Variants in CDH13 observed in about 807,000 individuals in gnomAD.
CDH13 encodes cadherin-13.
In CDH13, 24 loss-of-function variants were observed where a neutral mutation model predicts 63.8. That is an observed-to-expected ratio of 0.38 (90% CI 0.27 to 0.53). CDH13 has a LOEUF of 0.53. Among genes scored for constraint, CDH13 ranks in the 20% least tolerant of loss-of-function variants. CDH13 has a pLI of 0.85. For synonymous variants in CDH13, 503 were observed against 355.3 expected, an observed-to-expected ratio of 1.42 and a Z score of -4.67; for missense variants, 1,049 against 903.1, an observed-to-expected ratio of 1.16 and a Z score of -2.07.
intron 3 of CDH13, among the ~76,000 whole-genome samples, chr16:83,053,507 T>G (rs922311362): frequency 6.6e-6 from 1 of 152,172 alleles, no homozygotes; most frequent in East Asian, 1.9e-4. Context: ...CCCAGGAGCA[T>G]AAATTGATAA....
intron 11 of CDH13, among the ~76,000 whole-genome samples, chr16:83,763,903 T>C (rs1395534916): frequency 6.6e-6 from 1 of 151,510 alleles, no homozygotes; most frequent in Non-Finnish European, 1.5e-5. Flanking sequence ...ACTGAGATAA[T>C]GGAGCCTAGT....
At chr16:82,734,202 T>G (rs191388094) in intron 1 of CDH13, among the ~76,000 whole-genome samples, 113 of 152,346 alleles carry the variant, frequency 7.4e-4, no homozygotes, top group African/African-American at 2.5e-3. Context: ...TTCCATTGGA[T>G]CTCAGCCAGG....
At chr16:83,486,447 A>G in intron 6 of CDH13, 30 bp from the exon 7 acceptor site, 1 of 1,597,522 alleles carries the variant, frequency 6.3e-7, no homozygotes, top group Non-Finnish European at 8.5e-7. Flanking sequence ...ATTGATAACC[A>G]TTCCGTGCCT....
intron 10 of CDH13, among the ~76,000 whole-genome samples, chr16:83,714,753 G>T (rs1908632293): frequency 6.6e-6 from 1 of 152,128 alleles, no homozygotes; most frequent in South Asian, 2.1e-4. Flanking sequence ...ACATTTAGTA[G>T]CTTTTCTATA....
Position 83,634,496 on chromosome 16 carries a change from G to A in CDH13, c.1101+31902G>A, listed in dbSNP as rs765532682. ...GCTCATTGCGACCTCCGCCTCCCAGGTTTAAGCCATTCTCCTGCCTCAGCC... is the reference window on the plus strand; with the variant it reads ...GCTCATTGCGACCTCCGCCTCCCAGATTTAAGCCATTCTCCTGCCTCAGCC... On this transcript the variant is annotated intron_variant, in intron 8 of 13. Transcript: ENST00000567109. Among the ~76,000 whole-genome samples, 5 of 151,860 alleles carry A rather than the reference G, an allele frequency of 3.3e-5. No homozygotes were observed. The South Asian group carries it at 6.3e-4, about 19-fold the overall frequency.
At chr16:83,197,025 T>C (rs886459918) in intron 4 of CDH13, among the ~76,000 whole-genome samples, 13 of 152,188 alleles carry the variant, frequency 8.5e-5, no homozygotes, top group African/African-American at 2.9e-4. Flanking sequence ...TGCCAGAAAC[T>C]GAAAACAACC....
chr16:83,537,283 G>A (rs906691454), intron 7 of CDH13, among the ~76,000 whole-genome samples: 1 of 152,112 alleles, frequency 6.6e-6, no homozygotes, highest in Non-Finnish European at 1.5e-5. Flanking sequence ...GAGCCAACTG[G>A]GACAATGAAT....
chr16:82,720,260 A>G lies in CDH13; in HGVS notation c.45+93123A>G, dbSNP rs185624417. 1.2e-3 allele frequency among the ~76,000 whole-genome samples: 177 copies of G among 152,332 alleles called. 1 individual carries two copies. The highest frequency in any genetic ancestry group is 4.0e-3 in the African/African-American group (168 of 41,578). On this transcript the variant is annotated intron_variant, in intron 1 of 13. Transcript: ENST00000567109. ...CCTCCTGCCACCGTGCAGTTTGAAA[A>G]CAAACAATTCCAACTAATGGCAGAC...
At chr16:83,762,333 T>G (rs1428335273) in intron 11 of CDH13, among the ~76,000 whole-genome samples, 2 of 152,142 alleles carry the variant, frequency 1.3e-5, no homozygotes, top group African/African-American at 4.8e-5. Context: ...AGGCACTCTT[T>G]TATGGAAGAC....
chr16:82,702,178 C>G (rs1327311666), intron 1 of CDH13, among the ~76,000 whole-genome samples: 1 of 152,140 alleles, frequency 6.6e-6, no homozygotes, highest in Admixed American at 6.5e-5. Context: ...TTTCCCTTGC[C>G]TGAAACACCC....
intron 4 of CDH13, 90 bp downstream of exon 4, chr16:83,125,591 G>A (rs573755397): frequency 4.4e-6 from 3 of 687,092 alleles, no homozygotes; most frequent in Middle Eastern, 2.4e-4. Context: ...GTGACCAGCT[G>A]GAATTAGTCT....
At chr16:83,269,926 T>C (rs932655593) in intron 5 of CDH13, among the ~76,000 whole-genome samples, 7 of 152,228 alleles carry the variant, frequency 4.6e-5, no homozygotes, top group African/African-American at 9.6e-5. Flanking sequence ...TAAACAGAAT[T>C]GATTGCGGCT....
At chr16:82,741,899 T>A (rs1020563550) in intron 1 of CDH13, among the ~76,000 whole-genome samples, 13 of 152,178 alleles carry the variant, frequency 8.5e-5, no homozygotes, top group African/African-American at 3.1e-4. Flanking sequence ...TACTTAAATA[T>A]ATTCATATGT....
intron 1 of CDH13, among the ~76,000 whole-genome samples, chr16:82,803,924 T>C (rs947956298): frequency 1.3e-5 from 2 of 152,120 alleles, no homozygotes; most frequent in Non-Finnish European, 2.9e-5. Context: ...AAAACTGTAA[T>C]GTGCACTTAA....
At chr16:83,589,576 C>T (rs1290074585) in intron 7 of CDH13, among the ~76,000 whole-genome samples, 2 of 151,834 alleles carry the variant, frequency 1.3e-5, no homozygotes, top group Admixed American at 6.6e-5. Flanking sequence ...TAGAACATGG[C>T]CATCTTTGAT....
intron 1 of CDH13, among the ~76,000 whole-genome samples, chr16:82,700,438 A>C (rs2030843947): frequency 6.6e-6 from 1 of 152,176 alleles, no homozygotes. Flanking sequence ...TGTATAATGT[A>C]CATAAGTGGA....
At chr16:83,434,843 A>ATGTGTGTG (rs1442298017) in intron 6 of CDH13, among the ~76,000 whole-genome samples, 15 of 62,722 alleles carry the variant, frequency 2.4e-4, no homozygotes, top group African/African-American at 1.2e-3. Flanking sequence ...TAAAATATAT[A>ATGTGTGTG]TATATGTGTG....
chr16:82,829,201 C>T (rs894167780), intron 1 of CDH13: 5 of 152,154 alleles, frequency 3.3e-5, no homozygotes, highest in East Asian at 1.9e-4. Flanking sequence ...AGGCACAAGT[C>T]GAGGAGGAAC....
intron 7 of CDH13, among the ~76,000 whole-genome samples, chr16:83,552,256 C>T (rs2075518008): frequency 6.6e-6 from 1 of 152,092 alleles, no homozygotes; most frequent in Non-Finnish European, 1.5e-5. Flanking sequence ...TTCTTTGTGC[C>T]ATGGAGAAGA....
Sources: allele counts gnomAD v4.1 joint callset (sites outside exome capture counted in the v4.1 genomes callset), GRCh38; gene constraint gnomAD v4.1.1; transcripts MANE v1.5; gene names NCBI Gene and HGNC (gene_info 2026-07-23, HGNC 2026-07-21).